The following HSD17B4 variants were observed in gnomAD, a reference collection of about 807,000 sequenced individuals.
The protein encoded by HSD17B4 is hydroxysteroid 17-beta dehydrogenase 4, also known as peroxisomal multifunctional enzyme type 2.
A neutral mutation model predicts 101.0 loss-of-function variants in HSD17B4; 70 were observed. That is an observed-to-expected ratio of 0.69 (90% CI 0.57 to 0.85). HSD17B4 has a LOEUF of 0.85. Ranked by LOEUF, HSD17B4 falls within the 40% of genes least tolerant of loss-of-function variation. The pLI is 0.00. For missense variants in HSD17B4, 984 were observed against 892.4 expected, an observed-to-expected ratio of 1.10 and a Z score of -1.31; for synonymous variants, 347 against 297.1, an observed-to-expected ratio of 1.17 and a Z score of -1.73.
At chr5:119,532,542 G>A (rs1019014798) in intron 22 of HSD17B4, among the ~76,000 whole-genome samples, 2 of 151,910 alleles carry the variant, frequency 1.3e-5, no homozygotes, top group African/African-American at 2.4e-5. Flanking sequence ...GGATAGTGAT[G>A]TTTATTTTTT....
chr5:119,505,004 G>A (rs925738728), intron 14 of HSD17B4, among the ~76,000 whole-genome samples: 1 of 152,048 alleles, frequency 6.6e-6, no homozygotes, highest in Non-Finnish European at 1.5e-5. Context: ...TATTGAATAG[G>A]GAGTCCTTTC....
intron 16 of HSD17B4, among the ~76,000 whole-genome samples, chr5:119,510,359 G>A (rs1261999968): frequency 1.3e-5 from 2 of 152,148 alleles, no homozygotes; most frequent in South Asian, 2.1e-4. Context: ...GATAATTCTG[G>A]TTATTCTTTT....
chr5:119,503,603 A>C (rs115262567), intron 14 of HSD17B4, among the ~76,000 whole-genome samples: 3,144 of 152,306 alleles, frequency 0.021, 114 homozygotes, highest in African/African-American at 0.071. Context: ...AGTGTCAAGC[A>C]TCAGGAGACT....
chr5:119,456,414 A>G (rs779646947), intron 2 of HSD17B4, 46 bp downstream of exon 2: 8 of 1,091,546 alleles, frequency 7.3e-6, no homozygotes, highest in Non-Finnish European at 1.1e-5. Context: ...GATAACTGAA[A>G]TACAATCTTT....
At chr5:119,460,935 G>A (rs778915889) in intron 2 of HSD17B4, among the ~76,000 whole-genome samples, 2 of 152,176 alleles carry the variant, frequency 1.3e-5, no homozygotes, top group Admixed American at 6.5e-5. Flanking sequence ...AGGTTACTGA[G>A]GCTGCAGCAG....
chr5:119,489,428 G>C (rs1031627752), intron 9 of HSD17B4, 145 bp downstream of exon 9: 7 of 651,404 alleles, frequency 1.1e-5, no homozygotes, highest in Non-Finnish European at 1.9e-5. Context: ...CCATTTTTTG[G>C]AAAGTAATAG....
At chr5:119,463,770 G>A (rs777250341) in intron 2 of HSD17B4, among the ~76,000 whole-genome samples, 5 of 143,966 alleles carry the variant, frequency 3.5e-5, no homozygotes, top group Non-Finnish European at 7.5e-5. Context: ...CCGGGTTCAA[G>A]CGATTCTCCT....
intron 14 of HSD17B4, among the ~76,000 whole-genome samples, chr5:119,505,733 CA>C (rs1751583923): frequency 1.3e-5 from 2 of 150,818 alleles, no homozygotes; most frequent in Non-Finnish European, 3.0e-5. Flanking sequence ...GATGTCTTAA[CA>C]TTTTTTTTTT....
At chr5:119,521,873 G>T (rs1008253295) in intron 17 of HSD17B4, among the ~76,000 whole-genome samples, 1 of 148,542 alleles carries the variant, frequency 6.7e-6, no homozygotes, top group Non-Finnish European at 1.5e-5. Context: ...TGGAGGGGGG[G>T]TGGATTTTAT....
chr5:119,471,729 G>C, intron 2 of HSD17B4: 1 of 1,201,886 alleles, frequency 8.3e-7, no homozygotes, highest in Non-Finnish European at 1.2e-6. Context: ...GTTTTTCCAA[G>C]TTATTTGGCA....
At chr5:119,511,808 T>A (rs1752198571) in intron 16 of HSD17B4, among the ~76,000 whole-genome samples, 2 of 152,322 alleles carry the variant, frequency 1.3e-5, no homozygotes, top group South Asian at 4.1e-4. Context: ...CTAGAGTTGT[T>A]ATAATCTATT....
chr5:119,471,345 A>G (rs1756343747), intron 2 of HSD17B4, among the ~76,000 whole-genome samples: 1 of 152,148 alleles, frequency 6.6e-6, no homozygotes, highest in Admixed American at 6.5e-5. Context: ...ATCATATTAT[A>G]CTATCAAAAA....
chr5:119,503,110 G>A (rs967823317), intron 14 of HSD17B4, among the ~76,000 whole-genome samples: 1 of 149,952 alleles, frequency 6.7e-6, no homozygotes, highest in Non-Finnish European at 1.5e-5. Flanking sequence ...GTGTGTGTGT[G>A]TGTGTATGTG....
At chr5:119,527,935 A>G (rs1181664699) in intron 20 of HSD17B4, among the ~76,000 whole-genome samples, 5 of 152,124 alleles carry the variant, frequency 3.3e-5, no homozygotes, top group Non-Finnish European at 5.9e-5. Context: ...CTAAAAGGAC[A>G]TGCAATCATT....
chr5:119,453,626 A>T (rs1476948960), intron 1 of HSD17B4, among the ~76,000 whole-genome samples: 4 of 152,212 alleles, frequency 2.6e-5, no homozygotes, highest in African/African-American at 9.6e-5. Context: ...TAAACGTTAC[A>T]AACTGGAATT....
rs1749884944 is a variant in HSD17B4, at chr5:119,489,277, G to T, written c.708G>T (p.Leu236Phe). 6.2e-7 allele frequency: 1 copy of T among 1,608,586 alleles called. No homozygotes were observed. ...AGAGTTGTGAGGAGAATGGTGGCTT[G>T]TTTGAGGTATTTGCACCTTCCTGTT... ...CHESCEENGG[L>F]FEVGAGWIGK... Residue 236 changes from leucine to phenylalanine, a missense_variant, in exon 9 of 24, where the codon TTG becomes TTT. By Grantham distance (22) the Leu-to-Phe change is conservative. Transcript: ENST00000510025.
intron 2 of HSD17B4, among the ~76,000 whole-genome samples, chr5:119,471,430 T>C (rs1756353338): frequency 6.6e-6 from 1 of 152,178 alleles, no homozygotes; most frequent in Non-Finnish European, 1.5e-5. Flanking sequence ...ATGCCTTAGC[T>C]AATTTTAGGC....
intron 2 of HSD17B4, among the ~76,000 whole-genome samples, chr5:119,465,759 T>C (rs1335887242): frequency 6.6e-6 from 1 of 152,234 alleles, no homozygotes; most frequent in Non-Finnish European, 1.5e-5. Context: ...TAGGATTGTG[T>C]CATCTGTAAA....
intron 14 of HSD17B4, among the ~76,000 whole-genome samples, chr5:119,503,605 CAGGAG>C (rs1751386116): frequency 6.6e-6 from 1 of 152,118 alleles, no homozygotes; most frequent in South Asian, 2.1e-4. Flanking sequence ...TGTCAAGCAT[CAGGAG>C]ACTGATAACA....
Sources: allele counts gnomAD v4.1 joint callset (sites outside exome capture counted in the v4.1 genomes callset), GRCh38; gene constraint gnomAD v4.1.1; transcripts MANE v1.5; gene names NCBI Gene and HGNC (gene_info 2026-07-23, HGNC 2026-07-21).